The following RARB variants were observed in gnomAD, a reference collection of about 807,000 sequenced individuals.
RARB encodes the protein retinoic acid receptor beta.
RARB carries 17 observed loss-of-function variants against 51.9 expected under a neutral mutation model. That is an observed-to-expected ratio of 0.33 (90% CI 0.22 to 0.49). RARB has a LOEUF of 0.49. Ranked by LOEUF, RARB falls within the 20% of genes least tolerant of loss-of-function variation. The probability of loss-of-function intolerance (pLI) is 0.99; values close to 1 mark genes in which losing one functional copy is unlikely to be tolerated. For synonymous variants in RARB, 215 were observed against 195.4 expected, an observed-to-expected ratio of 1.10 and a Z score of -0.84; for missense variants, 369 against 550.8, an observed-to-expected ratio of 0.67 and a Z score of 3.30.
intron 1 of RARB, among the ~76,000 whole-genome samples, chr3:25,444,882 A>T (rs1708859272): frequency 6.6e-6 from 1 of 152,182 alleles, no homozygotes; most frequent in African/African-American, 2.4e-5. Flanking sequence ...AGGTGTATTG[A>T]GCAGACCATC....
intron 3 of RARB, among the ~76,000 whole-genome samples, chr3:25,114,341 G>T (rs1040625429): frequency 1.3e-5 from 2 of 152,254 alleles, no homozygotes; most frequent in East Asian, 3.9e-4. Context: ...GAGGCTTTGC[G>T]TTCATTATCC....
chr3:25,461,019 A>T (rs957937457), intron 1 of RARB, among the ~76,000 whole-genome samples, 174 bp from the exon 2 acceptor site: 2 of 152,186 alleles, frequency 1.3e-5, no homozygotes, highest in Non-Finnish European at 2.9e-5. Context: ...AGAGTACCAC[A>T]TCAATGTCAG....
At chr3:24,910,232 A>G (rs1489704157) in intron 2 of RARB, among the ~76,000 whole-genome samples, 1 of 152,136 alleles carries the variant, frequency 6.6e-6, no homozygotes, top group Admixed American at 6.5e-5. Flanking sequence ...AACTTAGGGA[A>G]ATTGGGGGTG....
intron 2 of RARB, among the ~76,000 whole-genome samples, chr3:25,017,311 T>A (rs952853056): frequency 1.3e-5 from 2 of 151,454 alleles, no homozygotes; most frequent in African/African-American, 4.9e-5. Flanking sequence ...TCTTTGTGTT[T>A]CCACGTAGAC....
intron 2 of RARB, among the ~76,000 whole-genome samples, chr3:25,047,198 G>A (rs1698234973): frequency 6.6e-6 from 1 of 152,234 alleles, no homozygotes; most frequent in South Asian, 2.1e-4. Context: ...TGGGTAATTA[G>A]GTAATTCCAA....
chr3:25,383,166 C>G (rs1706680934), intron 5 of RARB, among the ~76,000 whole-genome samples: 2 of 152,186 alleles, frequency 1.3e-5, no homozygotes, highest in African/African-American at 2.4e-5. Context: ...TCATTTCATT[C>G]ATTCAGAGAC....
chr3:24,874,073 A>G (rs1702997796), intron 2 of RARB, among the ~76,000 whole-genome samples: 1 of 152,060 alleles, frequency 6.6e-6, no homozygotes, highest in South Asian at 2.1e-4. Flanking sequence ...AATATACGAG[A>G]GGATGTGTGT....
At chr3:25,295,733 G>A (rs563583217) in intron 5 of RARB, among the ~76,000 whole-genome samples, 1 of 152,298 alleles carries the variant, frequency 6.6e-6, no homozygotes, top group East Asian at 1.9e-4. Flanking sequence ...ATGTGGACAA[G>A]ATGGGACTAT....
chr3:25,516,439 C>T (rs185289518), intron 3 of RARB, among the ~76,000 whole-genome samples: 3 of 151,816 alleles, frequency 2.0e-5, no homozygotes, highest in Non-Finnish European at 4.4e-5. Flanking sequence ...TTAAAAAAAG[C>T]AAGGTGCTTT....
At position 25,068,133 on chromosome 3, in the gene RARB, C is replaced by CAAA. The variant is rs55826425; in HGVS notation, c.-328+7998_-328+8000dup. Among the ~76,000 whole-genome samples the CAAA allele has an allele frequency of 1.2e-3, 39 of 33,268 alleles. 5 individuals carry two copies. The highest frequency in any genetic ancestry group is 1.5e-3 in the African/African-American group (14 of 9,636). 21.8% of individuals were successfully genotyped at this position (33,268 alleles called of 152,430 possible). On this transcript the variant is annotated intron_variant, in intron 3 of 11. Transcript: ENST00000383772. Reference sequence around the variant, plus strand: ...TGGGCGACAGAGAGAGACTCCATCTCAAAAAAAAAAAAAAAAAAAAAAAAA... The same window carrying CAAA: ...TGGGCGACAGAGAGAGACTCCATCTCAAAAAAAAAAAAAAAAAAAAAAAAAAAA...
At chr3:24,900,513 T>C (rs1007765621) in intron 2 of RARB, among the ~76,000 whole-genome samples, 4 of 152,204 alleles carry the variant, frequency 2.6e-5, no homozygotes, top group African/African-American at 7.2e-5. Context: ...GTCTGTCAAG[T>C]AAGTAAGAAC....
At chr3:25,450,259 T>G (rs1175980172) in intron 1 of RARB, among the ~76,000 whole-genome samples, 1 of 152,250 alleles carries the variant, frequency 6.6e-6, no homozygotes, top group African/African-American at 2.4e-5. Context: ...GATACGGACT[T>G]AATCCACTTT....
intron 5 of RARB, among the ~76,000 whole-genome samples, chr3:25,583,385 C>A (rs1299754276): frequency 6.6e-6 from 1 of 152,182 alleles, no homozygotes; most frequent in Non-Finnish European, 1.5e-5. Context: ...TATTCTCAGA[C>A]CCTAGAAAGG....
At chr3:25,036,836 C>A (rs1379651685) in intron 2 of RARB, among the ~76,000 whole-genome samples, 2 of 152,156 alleles carry the variant, frequency 1.3e-5, no homozygotes, top group African/African-American at 4.8e-5. Context: ...TGGCCAGATT[C>A]TCTGGGTTTC....
Position 24,868,545 on chromosome 3 carries a change from A to T in RARB, c.-380+9793A>T, listed in dbSNP as rs2362769. 0.011 allele frequency among the ~76,000 whole-genome samples: 1,625 copies of T among 152,246 alleles called. 80 individuals are homozygous for T. In the East Asian group the frequency reaches 0.16, roughly 15 times the overall value. ...CTCCTCTTGGCCAGGGGCATCCCAA[A>T]GTTAAACTGAAAAATATAGTTCAGG... On this transcript the variant is annotated intron_variant, in intron 2 of 11. Transcript: ENST00000383772.
chr3:25,331,153 T>C (rs1179528235), intron 5 of RARB, among the ~76,000 whole-genome samples: 3 of 152,112 alleles, frequency 2.0e-5, no homozygotes, highest in African/African-American at 2.4e-5. Context: ...AGGAATTGAA[T>C]TCAGCTCTGC....
intron 1 of RARB, among the ~76,000 whole-genome samples, chr3:25,436,723 T>C (rs1405629165): frequency 1.3e-5 from 2 of 152,212 alleles, no homozygotes; most frequent in African/African-American, 4.8e-5. Context: ...GCTTATCCTA[T>C]CACCTGTACC....
At chr3:25,263,776 A>G (rs1703060693) in intron 5 of RARB, among the ~76,000 whole-genome samples, 2 of 152,192 alleles carry the variant, frequency 1.3e-5, no homozygotes, top group South Asian at 4.1e-4. Flanking sequence ...AGATGGAGGG[A>G]CGAAGCACAT....
intron 5 of RARB, among the ~76,000 whole-genome samples, chr3:25,265,720 C>T (rs917875130): frequency 6.6e-6 from 1 of 152,140 alleles, no homozygotes; most frequent in Non-Finnish European, 1.5e-5. Flanking sequence ...GATCCACACG[C>T]CTCCGCCTCC....
Sources: allele counts gnomAD v4.1 joint callset (sites outside exome capture counted in the v4.1 genomes callset), GRCh38; gene constraint gnomAD v4.1.1; transcripts MANE v1.5; gene names NCBI Gene and HGNC (gene_info 2026-07-23, HGNC 2026-07-21).